The following SLC34A2 variants were observed in gnomAD, a reference collection of about 807,000 sequenced individuals.
SLC34A2 encodes the protein sodium-dependent phosphate transport protein 2B.
SLC34A2 carries 41 observed loss-of-function variants against 50.8 expected under a neutral mutation model. The observed-to-expected ratio is 0.81, with a 90% CI of 0.63 to 1.05. The LOEUF (loss-of-function observed/expected upper bound fraction) is 1.05. SLC34A2 is among the 50% of genes least tolerant of loss of function. The probability of loss-of-function intolerance (pLI) is 0.00; values close to 1 mark genes in which losing one functional copy is unlikely to be tolerated. For synonymous variants in SLC34A2, 401 were observed against 364.2 expected, an observed-to-expected ratio of 1.10 and a Z score of -1.15; for missense variants, 879 against 876.7, an observed-to-expected ratio of 1.00 and a Z score of -0.03.
chr4:25,661,815 G>T (rs1440837949), intron 1 of SLC34A2, among the ~76,000 whole-genome samples: 3 of 152,008 alleles, frequency 2.0e-5, no homozygotes, highest in African/African-American at 7.3e-5. Flanking sequence ...TTGAAGGGTT[G>T]TGAGGATTTG....
rs747570357 is a variant in SLC34A2, at chr4:25,676,732, G to T, written c.2056G>T (p.Glu686Ter). The T allele has an allele frequency of 5.0e-6, 8 of 1,614,150 alleles. No individual in the cohort carries two copies. The highest frequency in any genetic ancestry group is 6.8e-6 in the Non-Finnish European group (8 of 1,180,022). The change falls in exon 13 of 13, where the codon GAA (glutamate) becomes TAA (stop). Residue 686 changes from glutamate to a stop codon, truncating the protein, a stop_gained. Transcript: ENST00000382051. LOFTEE classifies it high-confidence loss of function. ...GGTCCCTGCCTCGGACTCAAAGACC[G>T]AATGCACGGCCTTGTAGGGGACGCC... ...GEVPASDSKT[E>*]CTAL
intron 9 of SLC34A2, among the ~76,000 whole-genome samples, chr4:25,672,569 A>C (rs979551486): frequency 6.6e-6 from 1 of 152,136 alleles, no homozygotes; most frequent in Non-Finnish European, 1.5e-5. Flanking sequence ...TCTGAGCACT[A>C]TATCTTAATA....
chr4:25,676,046 T>C (rs1209883659), intron 12 of SLC34A2, 89 bp from the exon 13 acceptor site: 4 of 1,567,228 alleles, frequency 2.6e-6, no homozygotes, highest in African/African-American at 2.7e-5. Context: ...CTGCCTGTGA[T>C]GCCTGCTAGC....
intron 1 of SLC34A2, among the ~76,000 whole-genome samples, chr4:25,657,706 A>G (rs1481609412): frequency 6.6e-6 from 1 of 152,236 alleles, no homozygotes; most frequent in Non-Finnish European, 1.5e-5. Context: ...GCCCAGGCCA[A>G]TTGCTTCCTT....
chr4:25,662,278 G>A (rs966830169), intron 1 of SLC34A2, among the ~76,000 whole-genome samples: 1 of 152,236 alleles, frequency 6.6e-6, no homozygotes, highest in African/African-American at 2.4e-5. Context: ...TTGCTTTAGC[G>A]ACTGGGTGAG....
intron 1 of SLC34A2, among the ~76,000 whole-genome samples, chr4:25,659,310 T>C (rs1285684566): frequency 6.6e-6 from 1 of 152,140 alleles, no homozygotes; most frequent in Non-Finnish European, 1.5e-5. Context: ...ACAAACTGTA[T>C]AGGACACTCC....
intron 12 of SLC34A2, among the ~76,000 whole-genome samples, chr4:25,675,276 T>G (rs1715053998): frequency 6.6e-6 from 1 of 152,178 alleles, no homozygotes; most frequent in Non-Finnish European, 1.5e-5. Context: ...CATGATGTGC[T>G]TGCCTTGGCC....
chr4:25,674,691 C>T, intron 12 of SLC34A2, 62 bp downstream of exon 12: 1 of 1,603,672 alleles, frequency 6.2e-7, no homozygotes, highest in South Asian at 1.1e-5. Context: ...GTCTTGCAAA[C>T]TGGTCTCTAA....
chr4:25,670,643 TCTCC>T, intron 7 of SLC34A2, 91 bp from the exon 8 acceptor site: 1 of 893,282 alleles, frequency 1.1e-6, no homozygotes, highest in Non-Finnish European at 1.8e-6. Context: ...GTCACATTTA[TCTCC>T]TTAGAGCCCC....
chr4:25,660,525 G>C (rs781704680), intron 1 of SLC34A2, among the ~76,000 whole-genome samples: 6 of 152,186 alleles, frequency 3.9e-5, no homozygotes, highest in Non-Finnish European at 8.8e-5. Flanking sequence ...AGTTGTCACT[G>C]TTTTAGTTTG....
chr4:25,668,118 C>T (rs1714600735), intron 6 of SLC34A2, 127 bp downstream of exon 6: 1 of 725,978 alleles, frequency 1.4e-6, no homozygotes, highest in South Asian at 1.5e-5. Context: ...CTAGAAGTAA[C>T]CACAGGGAGG....
Position 25,669,647 on chromosome 4 carries a change from A to G in SLC34A2, c.636A>G (p.Arg212=). 1.2e-6 allele frequency: 2 copies of G among 1,613,592 alleles called. No individual in the cohort carries two copies. Among genetic ancestry groups the G allele is most frequent in the Non-Finnish European group, 1.7e-6 (2 of 1,179,984 alleles). ...GGCTGTCGGGGTTTCCCTCCCATAG[A>G]GCTTTTGCAGGAGCCACTGTCCATG... The part of the protein sequence containing the change: ...MQVGDRSEFR[R]AFAGATVHDF... Residue 212 remains arginine (R), a splice_region_variant and synonymous_variant, in exon 7 of 13, where the codon AGA becomes AGG. Coordinates refer to ENST00000382051, the MANE Select transcript of SLC34A2 (RefSeq NM_006424.3).
chr4:25,674,166 C>G (rs1053825012), intron 10 of SLC34A2, 130 bp from the exon 11 acceptor site: 2 of 730,506 alleles, frequency 2.7e-6, no homozygotes, highest in Non-Finnish European at 5.0e-6. Context: ...GATTCTAAAA[C>G]TCTACTCTGT....
intron 1 of SLC34A2, among the ~76,000 whole-genome samples, chr4:25,656,299 C>T (rs1021686019): frequency 1.3e-5 from 2 of 152,142 alleles, no homozygotes; most frequent in African/African-American, 4.8e-5. Flanking sequence ...CCTGGGCTGC[C>T]GTCTTCCATT....
At chr4:25,669,036 G>C (rs1370722893) in intron 6 of SLC34A2, among the ~76,000 whole-genome samples, 2 of 151,872 alleles carry the variant, frequency 1.3e-5, no homozygotes, top group African/African-American at 4.8e-5. Flanking sequence ...AAATGTTTTA[G>C]CCTTGTTTCC....
intron 1 of SLC34A2, among the ~76,000 whole-genome samples, chr4:25,661,447 G>A (rs1349260298): frequency 2.6e-5 from 4 of 152,108 alleles, no homozygotes; most frequent in Non-Finnish European, 5.9e-5. Flanking sequence ...GAATACAGTG[G>A]CATGATCTCA....
rs77356826 is a variant in SLC34A2 at position 25,669,735 on chromosome 4, G to A, written c.724G>A (p.Glu242Lys). The part of the protein sequence containing the change: ...LPVEVATHYL[E>K]IITQLIVESF... Reference sequence around the variant, plus strand: ...CGTGGAGGTGGCCACCCATTACCTCGAGATCATAACCCAGCTTATAGTGGA... The same window carrying A: ...CGTGGAGGTGGCCACCCATTACCTCAAGATCATAACCCAGCTTATAGTGGA... Residue 242 changes from glutamate to lysine, a missense_variant, in exon 7 of 13, where the codon GAG becomes AAG. Coordinates refer to ENST00000382051, the MANE Select transcript of SLC34A2 (RefSeq NM_006424.3). 9 of 1,614,140 alleles carry A rather than the reference G, an allele frequency of 5.6e-6. No individual in the cohort carries two copies. Among genetic ancestry groups the A allele is most frequent in the Admixed American group, 3.3e-5 (2 of 60,026 alleles).
rs372833249 is a variant in SLC34A2 at position 25,676,546 on chromosome 4, G to T, written c.1870G>T (p.Val624Leu). The part of the protein sequence containing the change: ...FQMRCCCCCR[V>L]CCRACCLLCD... ...GATGCGCTGCTGCTGCTGCTGCCGC[G>T]TGTGCTGCCGCGCGTGCTGCTTGCT... The change falls in exon 13 of 13, where the codon GTG becomes TTG. Residue 624 changes from valine (V) to leucine (L), a missense_variant. Physicochemically the swap from Val to Leu is conservative, Grantham distance 32. Transcript: ENST00000382051. 40 of 1,612,842 alleles carry T rather than the reference G, an allele frequency of 2.5e-5. No individual in the cohort carries two copies. The South Asian group carries it at 4.1e-4, about 16-fold the overall frequency.
At position 25,667,888 on chromosome 4, in the gene SLC34A2, G is replaced by T. The variant is rs1039280160; in HGVS notation, c.532G>T (p.Val178Phe). The T allele has an allele frequency of 6.8e-6, 11 of 1,611,984 alleles. No individual in the cohort carries two copies. Among genetic ancestry groups the T allele is most frequent in the Non-Finnish European group, 9.3e-6 (11 of 1,178,042 alleles). ...VSMVSSSLLT[V>F]RAAIPIIMGA... is the part of the protein sequence containing the mutation. ...ACTTTTCCATCCTCTAGTGCTCACT[G>T]TTCGGGCTGCCATCCCCATTATCAT... The change falls in exon 6 of 13, where the codon GTT (valine) becomes TTT (phenylalanine). Residue 178 changes from valine to phenylalanine, a missense_variant. Physicochemically the swap from Val to Phe is conservative, Grantham distance 50. Coordinates refer to ENST00000382051, the MANE Select transcript of SLC34A2 (RefSeq NM_006424.3).
Sources: gnomAD v4.1 joint callset for allele counts (sites outside exome capture counted in the v4.1 genomes callset) on GRCh38, gnomAD v4.1.1 for gene constraint, MANE v1.5 for transcripts, NCBI Gene and HGNC (gene_info 2026-07-23, HGNC 2026-07-21) for gene names.